Variants in CPNE4 observed in about 807,000 individuals in gnomAD.
CPNE4 encodes copine 4, also known as copine-4.
Under a neutral mutation model 67.9 loss-of-function variants are expected in CPNE4, and 25 were observed. The ratio of observed to expected loss-of-function variants is 0.37; its 90% confidence interval spans 0.27 to 0.51. The LOEUF (loss-of-function observed/expected upper bound fraction) is 0.51. CPNE4 is among the 20% of genes least tolerant of loss of function. The pLI is 0.93. For missense variants in CPNE4, 464 were observed against 690.8 expected, an observed-to-expected ratio of 0.67 and a Z score of 3.68; for synonymous variants, 242 against 244.9, an observed-to-expected ratio of 0.99 and a Z score of 0.11.
chr3:131,612,531 G>T (rs1009863575), intron 7 of CPNE4, among the ~76,000 whole-genome samples: 1 of 152,180 alleles, frequency 6.6e-6, no homozygotes, highest in African/African-American at 2.4e-5. Context: ...AGAGGAGTCA[G>T]ATCCATAGAG....
At chr3:131,561,090 ATC>A (rs1248133191) in intron 11 of CPNE4, among the ~76,000 whole-genome samples, 9 of 152,098 alleles carry the variant, frequency 5.9e-5, no homozygotes, top group Non-Finnish European at 1.3e-4. Context: ...GGTTTCTGAT[ATC>A]TGTCTCATTC....
In CPNE4 at chr3:131,723,001, G is replaced by T. The variant is rs150244886; in HGVS notation, c.360+445C>A. Among the ~76,000 whole-genome samples the T allele has an allele frequency of 4.0e-3, 604 of 152,260 alleles. 2 individuals carry two copies. Among genetic ancestry groups the T allele is most frequent in the South Asian group, 0.015 (72 of 4,820 alleles). ...TATTCATTCACTGAGTATCCATTTAGCCTCTGCCTTGGGCTATTTTTGGTA... is the reference window on the plus strand; with the variant it reads ...TATTCATTCACTGAGTATCCATTTATCCTCTGCCTTGGGCTATTTTTGGTA... On this transcript the variant is annotated intron_variant, in intron 3 of 15. Coordinates refer to ENST00000429747, the MANE Select transcript of CPNE4 (RefSeq NM_130808.3).
chr3:131,601,488 G>C (rs1939205032), intron 7 of CPNE4, among the ~76,000 whole-genome samples: 1 of 152,124 alleles, frequency 6.6e-6, no homozygotes. Context: ...CAGATAGTCA[G>C]GGAAGGCTTC....
chr3:131,760,551 A>T (rs1440918642), intron 2 of CPNE4, among the ~76,000 whole-genome samples: 1 of 152,198 alleles, frequency 6.6e-6, no homozygotes, highest in Non-Finnish European at 1.5e-5. Flanking sequence ...TCTCAGCTCC[A>T]AATGTAGCAG....
chr3:131,847,780 G>A (rs1210658737), intron 2 of CPNE4, among the ~76,000 whole-genome samples: 1 of 152,068 alleles, frequency 6.6e-6, no homozygotes, highest in Non-Finnish European at 1.5e-5. Context: ...GGTCATGTCT[G>A]GGAGGATGAG....
At chr3:131,803,164 G>A (rs1325121864) in intron 2 of CPNE4, among the ~76,000 whole-genome samples, 2 of 152,178 alleles carry the variant, frequency 1.3e-5, no homozygotes, top group Non-Finnish European at 2.9e-5. Context: ...TAGCCAGGTG[G>A]ATAACCTTGG....
Position 131,735,504 on chromosome 3 carries a change from G to A in CPNE4, c.181-11879C>T, listed in dbSNP as rs115472563. ...TTAGGAACTCATCATGCAGAACAAT[G>A]TTAAAGAGTCTTAAAGAGTTCTGCA... On this transcript the variant is annotated intron_variant, in intron 2 of 15. Coordinates refer to ENST00000429747, the MANE Select transcript of CPNE4 (RefSeq NM_130808.3). Among the ~76,000 whole-genome samples the A allele has an allele frequency of 7.8e-3, 1,181 of 152,340 alleles. 10 individuals carry two copies. Among genetic ancestry groups the A allele is most frequent in the Middle Eastern group, 0.014 (4 of 294 alleles).
intron 2 of CPNE4, among the ~76,000 whole-genome samples, chr3:131,826,840 T>C (rs1030289629): frequency 6.6e-6 from 1 of 152,132 alleles, no homozygotes; most frequent in Non-Finnish European, 1.5e-5. Context: ...GAGACTAACC[T>C]GGGCAATATA....
intron 5 of CPNE4, among the ~76,000 whole-genome samples, chr3:131,688,786 A>T (rs1241003549): frequency 6.6e-6 from 1 of 152,192 alleles, no homozygotes; most frequent in African/African-American, 2.4e-5. Flanking sequence ...AGAACCCATA[A>T]CTGAATTCAA....
intron 5 of CPNE4, among the ~76,000 whole-genome samples, chr3:131,688,676 T>G: frequency 6.6e-6 from 1 of 152,172 alleles, no homozygotes; most frequent in East Asian, 1.9e-4. Flanking sequence ...TTTCTCATTT[T>G]TTCCCTCTTT....
At chr3:131,967,741 T>C (rs764383163) in intron 1 of CPNE4, among the ~76,000 whole-genome samples, 4 of 152,184 alleles carry the variant, frequency 2.6e-5, no homozygotes, top group African/African-American at 4.8e-5. Context: ...TCCATGCTCA[T>C]AGACCGGAAA....
chr3:131,900,455 G>C (rs1005462755), intron 2 of CPNE4, among the ~76,000 whole-genome samples: 3 of 152,054 alleles, frequency 2.0e-5, no homozygotes, highest in African/African-American at 7.2e-5. Flanking sequence ...TCCACATAAA[G>C]GTAACCTAGG....
At chr3:131,616,986 C>G (rs1165103584) in intron 7 of CPNE4, among the ~76,000 whole-genome samples, 1 of 152,150 alleles carries the variant, frequency 6.6e-6, no homozygotes, top group African/African-American at 2.4e-5. Flanking sequence ...ACAGCTGTAA[C>G]ATAGGCTAGA....
intron 1 of CPNE4, among the ~76,000 whole-genome samples, chr3:131,931,151 A>G (rs749845138): frequency 3.9e-5 from 6 of 152,164 alleles, no homozygotes; most frequent in Non-Finnish European, 8.8e-5. Context: ...AAGTATAGCC[A>G]ACAAAACTTG....
intron 1 of CPNE4, among the ~76,000 whole-genome samples, chr3:131,945,518 G>C (rs1187268423): frequency 2.0e-5 from 3 of 152,174 alleles, no homozygotes; most frequent in African/African-American, 7.2e-5. Flanking sequence ...CCTTTGATGA[G>C]CAGTCTTTGT....
intron 2 of CPNE4, among the ~76,000 whole-genome samples, chr3:131,894,002 T>C (rs1353030172): frequency 6.6e-6 from 1 of 151,606 alleles, no homozygotes; most frequent in Non-Finnish European, 1.5e-5. Context: ...AAAAAAAAGA[T>C]TCAAAAGATC....
intron 1 of CPNE4, among the ~76,000 whole-genome samples, chr3:131,955,042 G>A (rs2071903983): frequency 1.3e-5 from 2 of 148,536 alleles, no homozygotes; most frequent in Non-Finnish European, 3.0e-5. Flanking sequence ...CCACCAGCTA[G>A]AAATCGCATG....
chr3:131,928,298 T>C (rs2070952910), intron 1 of CPNE4, among the ~76,000 whole-genome samples: 1 of 139,432 alleles, frequency 7.2e-6, no homozygotes, highest in Non-Finnish European at 1.6e-5. Flanking sequence ...TATCTAAAAT[T>C]TACAACAGTC....
chr3:131,813,667 T>C (rs1410468146), intron 2 of CPNE4, among the ~76,000 whole-genome samples: 1 of 152,116 alleles, frequency 6.6e-6, no homozygotes, highest in Non-Finnish European at 1.5e-5. Context: ...TTAACCATTT[T>C]TTCAGTGGAA....
Sources: gnomAD v4.1 joint callset for allele counts (sites outside exome capture counted in the v4.1 genomes callset) on GRCh38, gnomAD v4.1.1 for gene constraint, MANE v1.5 for transcripts, NCBI Gene and HGNC (gene_info 2026-07-23, HGNC 2026-07-21) for gene names.